The following NHEJ1 variants were observed in gnomAD, a reference collection of about 807,000 sequenced individuals.
The protein encoded by NHEJ1 is non-homologous end-joining factor 1.
In NHEJ1, 22 loss-of-function variants were observed where a neutral mutation model predicts 39.4. That is an observed-to-expected ratio of 0.56 (90% CI 0.40 to 0.80). The LOEUF is 0.80. Among genes scored for constraint, NHEJ1 ranks in the 30% least tolerant of loss-of-function variants. NHEJ1 has a pLI of 0.00. For missense variants in NHEJ1, 329 were observed against 357.1 expected (o/e 0.92, Z 0.63); for synonymous variants, 154 against 135.6 (o/e 1.14, Z -0.94).
At chr2:219,137,139 G>C (rs1949639150) in intron 5 of NHEJ1, among the ~76,000 whole-genome samples, 1 of 149,244 alleles carries the variant, frequency 6.7e-6, no homozygotes, top group African/African-American at 2.5e-5. Context: ...AAACCCCAAA[G>C]AGAAGGTGAA....
chr2:219,103,395 A>T lies in NHEJ1; in HGVS notation c.589-25189T>A, dbSNP rs193297269. 8.7e-3 allele frequency among the ~76,000 whole-genome samples: 1,312 copies of T among 151,460 alleles called. 20 individuals carry two copies. The highest frequency in any genetic ancestry group is 0.03 in the African/African-American group (1,242 of 41,276). On this transcript the variant is annotated intron_variant, in intron 5 of 7. Transcript: ENST00000356853. ...GGTTCAAGCGATTCTCCTGTCTCAG[A>T]CTCCCAAGTAGCTGGGACTACAGGC...
chr2:219,134,780 T>C (rs13002447), intron 5 of NHEJ1, among the ~76,000 whole-genome samples: 79,688 of 151,886 alleles, frequency 0.52, 22,496 homozygotes, highest in Non-Finnish European at 0.64. Context: ...TGGCTCACGC[T>C]GGTAATCCCA....
chr2:219,079,175 G>A (rs887734375), intron 5 of NHEJ1, among the ~76,000 whole-genome samples: 1 of 152,226 alleles, frequency 6.6e-6, no homozygotes, highest in Non-Finnish European at 1.5e-5. Flanking sequence ...TGAGATGAAA[G>A]AGTAGAGTGT....
chr2:219,143,245 A>G (rs1249251291), intron 5 of NHEJ1, among the ~76,000 whole-genome samples: 1 of 152,182 alleles, frequency 6.6e-6, no homozygotes, highest in African/African-American at 2.4e-5. Flanking sequence ...GGGTGACCCC[A>G]TGACCCTTCT....
At chr2:219,141,568 G>A (rs1949692548) in intron 5 of NHEJ1, among the ~76,000 whole-genome samples, 1 of 152,068 alleles carries the variant, frequency 6.6e-6, no homozygotes, top group South Asian at 2.1e-4. Context: ...ATGGATGATG[G>A]TATAATTCCC....
rs79077082 is a variant in NHEJ1 at position 219,077,386 on chromosome 2, G to C, written c.707-22C>G. 1.0e-3 allele frequency: 1,593 copies of C among 1,547,336 alleles called. 11 individuals are homozygous for C. The African/African-American group carries it at 0.02, about 19-fold the overall frequency. ...TCTCCTGAAATCAGAAAGATCAAGA[G>C]AAGATAGTGATAAATGCCTTCTTCT... On this transcript the variant is annotated intron_variant, in intron 6 of 7. Coordinates refer to ENST00000356853, the MANE Select transcript of NHEJ1 (RefSeq NM_024782.3).
At chr2:219,146,853 C>G (rs898957701) in intron 4 of NHEJ1, 115 bp from the exon 5 acceptor site, 1 of 796,560 alleles carries the variant, frequency 1.3e-6, no homozygotes, top group African/African-American at 1.7e-5. Flanking sequence ...GTGCATCATG[C>G]AGAGACACCT....
chr2:219,115,677 G>T (rs1165670953), intron 5 of NHEJ1, among the ~76,000 whole-genome samples: 2 of 152,174 alleles, frequency 1.3e-5, no homozygotes, highest in Non-Finnish European at 1.5e-5. Context: ...ACATGCACAA[G>T]TCTTCAGAGA....
intron 5 of NHEJ1, among the ~76,000 whole-genome samples, chr2:219,092,682 C>G (rs147244073): frequency 8.5e-4 from 129 of 152,286 alleles, no homozygotes; most frequent in African/African-American, 3.0e-3. Context: ...GGTAAAAACC[C>G]CTGCTGTAAA....
chr2:219,087,092 C>A (rs564747085), intron 5 of NHEJ1, among the ~76,000 whole-genome samples: 1 of 152,290 alleles, frequency 6.6e-6, no homozygotes, highest in South Asian at 2.1e-4. Context: ...ACTCCCACTC[C>A]TCTAAGAAGA....
chr2:219,147,590 T>C, intron 4 of NHEJ1, 67 bp downstream of exon 4: 1 of 1,602,580 alleles, frequency 6.2e-7, no homozygotes, highest in Non-Finnish European at 8.5e-7. Context: ...TGAGTCTCCC[T>C]CTTTGCTAAG....
intron 5 of NHEJ1, among the ~76,000 whole-genome samples, chr2:219,091,410 T>C (rs1471222245): frequency 2.0e-5 from 3 of 151,956 alleles, no homozygotes; most frequent in African/African-American, 7.3e-5. Context: ...GCATGGTCGG[T>C]ATCGGGCAAG....
chr2:219,094,493 G>C (rs1052836051), intron 5 of NHEJ1, among the ~76,000 whole-genome samples: 1 of 152,106 alleles, frequency 6.6e-6, no homozygotes, highest in Admixed American at 6.5e-5. Flanking sequence ...TTGAGGCTAA[G>C]AGCTACTTCC....
intron 5 of NHEJ1, among the ~76,000 whole-genome samples, chr2:219,126,310 T>A (rs1284593776): frequency 6.6e-6 from 1 of 152,252 alleles, no homozygotes; most frequent in Non-Finnish European, 1.5e-5. Context: ...GTTTTCTACC[T>A]ATTACTTGTG....
chr2:219,126,120 T>C (rs192687623), intron 5 of NHEJ1, among the ~76,000 whole-genome samples: 38 of 152,366 alleles, frequency 2.5e-4, no homozygotes, highest in Non-Finnish European at 4.3e-4. Context: ...TTTGGGACTT[T>C]GCCATTTTTC....
At chr2:219,134,394 T>C (rs1320330560) in intron 5 of NHEJ1, among the ~76,000 whole-genome samples, 1 of 152,258 alleles carries the variant, frequency 6.6e-6, no homozygotes, top group African/African-American at 2.4e-5. Context: ...ATAACTTAGA[T>C]AAAGCACCTG....
intron 5 of NHEJ1, among the ~76,000 whole-genome samples, chr2:219,086,274 C>T (rs1315093234): frequency 2.0e-5 from 3 of 152,116 alleles, no homozygotes; most frequent in African/African-American, 7.2e-5. Context: ...AAAACAAAGG[C>T]TTGAAGAGAT....
rs1948978764 is a variant in NHEJ1 at position 219,073,152 on chromosome 2, C to A, written c.*3229G>T. 6.6e-6 allele frequency among the ~76,000 whole-genome samples: 1 copy of A among 152,152 alleles called. No homozygotes were observed. On this transcript the variant is annotated 3_prime_UTR_variant, in exon 8 of 8. Coordinates refer to ENST00000356853, the MANE Select transcript of NHEJ1 (RefSeq NM_024782.3). ...CTCACTGTGGGTGCGCTACACCAGG[C>A]CTGTGGAAGGATTTTGGTCTCAACA...
At chr2:219,146,640 A>G (rs754599006) in intron 5 of NHEJ1, 40 bp downstream of exon 5, 7 of 1,512,318 alleles carry the variant, frequency 4.6e-6, no homozygotes, top group Non-Finnish European at 9.2e-7. Flanking sequence ...GGAAAGAGGA[A>G]GTAGGGCAAA....
Sources: gnomAD v4.1 joint callset for allele counts (sites outside exome capture counted in the v4.1 genomes callset) on GRCh38, gnomAD v4.1.1 for gene constraint, MANE v1.5 for transcripts, NCBI Gene and HGNC (gene_info 2026-07-23, HGNC 2026-07-21) for gene names.